Variants in NPM1 observed in about 807,000 individuals in gnomAD.
The protein encoded by NPM1 is nucleophosmin.
In NPM1, 1 loss-of-function variant was observed where a neutral mutation model predicts 44.1. The observed-to-expected ratio is 0.02, with a 90% CI of 0.01 to 0.11. The LOEUF is 0.11. NPM1 is among the 10% of genes least tolerant of loss of function. The pLI is 1.00. For missense variants in NPM1, 197 were observed against 347.8 expected (o/e 0.57, Z 3.45); for synonymous variants, 126 against 111.8 (o/e 1.13, Z -0.80).
intron 10 of NPM1, among the ~76,000 whole-genome samples, chr5:171,408,605 G>A (rs895307187): frequency 7.2e-5 from 11 of 152,204 alleles, no homozygotes; most frequent in African/African-American, 2.7e-4. Flanking sequence ...CTTTGTGAAA[G>A]TTGTAGTGAT....
At chr5:171,401,691 C>T (rs1348967976) in intron 8 of NPM1, among the ~76,000 whole-genome samples, 1 of 152,200 alleles carries the variant, frequency 6.6e-6, no homozygotes, top group Non-Finnish European at 1.5e-5. Context: ...ATCCGCCCTC[C>T]TGGGCCTCTC....
chr5:171,387,669 C>T (rs953816726), upstream of NPM1: 18 of 483,850 alleles, frequency 3.7e-5, no homozygotes, highest in Admixed American at 2.2e-4. Context: ...TCGGTGGGAG[C>T]CCGCGGAGTA....
At chr5:171,387,449 C>T (rs1291557704), upstream of NPM1, among the ~76,000 whole-genome samples, 2 of 152,088 alleles carry the variant, frequency 1.3e-5, no homozygotes, top group African/African-American at 4.8e-5. Context: ...TCATTCGCAG[C>T]CGGCTAACCC....
intron 1 of NPM1, among the ~76,000 whole-genome samples, chr5:171,388,802 G>A (rs1010000675): frequency 3.9e-5 from 6 of 152,200 alleles, no homozygotes; most frequent in Non-Finnish European, 7.3e-5. Context: ...ACTGCGGTAG[G>A]TGGAGCTAGC....
intron 9 of NPM1, chr5:171,406,398 C>T (rs375287524): frequency 2.5e-6 from 4 of 1,612,300 alleles, no homozygotes; most frequent in Admixed American, 1.7e-5. Flanking sequence ...TAATTGCAGG[C>T]GCATTGAACA....
Position 171,392,930 on chromosome 5 carries a change from C to G in NPM1, c.476C>G (p.Ala159Gly). ...SKVPQKKVKLAADEDDDDDDE... is the reference protein window; with the variant it reads ...SKVPQKKVKLGADEDDDDDDE... ...TTTTAAAAGAAAAAAGTAAAACTTG[C>G]TGCTGATGAAGATGATGACGATGAT... The change falls in exon 6 of 11, where the codon GCT becomes GGT. Residue 159 changes from alanine to glycine, a missense_variant. By Grantham distance (60) the Ala-to-Gly change is moderately conservative. Coordinates refer to ENST00000296930, the MANE Select transcript of NPM1 (RefSeq NM_002520.7). 2 of 1,610,614 alleles carry G rather than the reference C, an allele frequency of 1.2e-6. No individual in the cohort carries two copies. Among genetic ancestry groups the G allele is most frequent in the Admixed American group, 1.7e-5 (1 of 59,964 alleles).
chr5:171,387,479 A>T (rs895902021), upstream of NPM1, among the ~76,000 whole-genome samples: 1 of 152,188 alleles, frequency 6.6e-6, no homozygotes, highest in African/African-American at 2.4e-5. Flanking sequence ...TACACAGCTA[A>T]GGGCTGCCGA....
At chr5:171,400,331 T>A (rs907052150) in intron 7 of NPM1, 121 bp downstream of exon 7, 3 of 539,794 alleles carry the variant, frequency 5.6e-6, no homozygotes, top group Admixed American at 9.8e-5. Flanking sequence ...ATACTGAAAA[T>A]TAGTCCTGAG....
chr5:171,399,131 G>A (rs1771062355), intron 6 of NPM1, among the ~76,000 whole-genome samples: 1 of 152,248 alleles, frequency 6.6e-6, no homozygotes, highest in Admixed American at 6.5e-5. Context: ...GATTACAAGC[G>A]TGAGCCACGG....
upstream of NPM1, chr5:171,387,737 GACGGCTACGGT>G (rs1476772918): frequency 6.7e-6 from 4 of 596,350 alleles, no homozygotes; most frequent in Admixed American, 1.2e-4. Context: ...GCTTGCGCAG[GACGGCTACGGT>G]ACGGGGGTGG....
intron 9 of NPM1, chr5:171,406,809 T>A: frequency 1.5e-6 from 1 of 682,954 alleles, no homozygotes; most frequent in Non-Finnish European, 1.9e-6. Context: ...TTAAGTTTCT[T>A]AATGCTATAC....
intron 1 of NPM1, 72 bp downstream of exon 1, chr5:171,388,078 G>GGGTGGGGGGGGC: frequency 1.6e-6 from 1 of 616,750 alleles, no homozygotes. Context: ...TGAGGGGCGG[G>GGGTGGGGGGGGC]AATCCGGCTG....
intron 10 of NPM1, among the ~76,000 whole-genome samples, chr5:171,409,616 C>T (rs1358824882): frequency 1.3e-5 from 2 of 152,164 alleles, no homozygotes; most frequent in Admixed American, 1.3e-4. Flanking sequence ...AACCCATTGG[C>T]TGTGAAACAG....
intron 8 of NPM1, among the ~76,000 whole-genome samples, chr5:171,405,092 C>CATGCCTA (rs1215109638): frequency 2.0e-5 from 3 of 152,156 alleles, no homozygotes; most frequent in Admixed American, 6.5e-5. Context: ...CATGCACCAC[C>CATGCCTA]ATGCCTAGCT....
At chr5:171,400,701 C>T (rs1465418915) in intron 7 of NPM1, 138 bp from the exon 8 acceptor site, 2 of 592,214 alleles carry the variant, frequency 3.4e-6, no homozygotes, top group Non-Finnish European at 6.1e-6. Context: ...CTGCCTCGGC[C>T]TCCCAAAGTC....
chr5:171,391,522 G>T lies in NPM1; in HGVS notation c.258+98G>T, dbSNP rs755036997. 37 of 1,468,902 alleles carry T rather than the reference G, an allele frequency of 2.5e-5. No homozygotes were observed. The Middle Eastern group carries it at 7.1e-4, about 28-fold the overall frequency. 91.0% of individuals were successfully genotyped at this position (1,468,902 alleles called of 1,614,324 possible). A position where few individuals can be genotyped will look rare whatever the true frequency, so the allele number is the denominator to read the frequency against. On this transcript the variant is annotated intron_variant, in intron 3 of 10. Transcript: ENST00000296930. ...AGTTGTGCCAAGGAGATAGAAAGTG[G>T]TTCTTTATCTTCTGTCACTGGAGTT...
chr5:171,400,217 A>G lies in NPM1; in HGVS notation c.582+7A>G. On this transcript the variant is annotated splice_region_variant and intron_variant, in intron 7 of 10. Transcript: ENST00000296930. ...AAAAGCGCCAGTGAAGAAAGTGAGT[A>G]GATACAATGCTACAAGGTTGTTAAA... 1 of 1,613,748 alleles carries G rather than the reference A, an allele frequency of 6.2e-7. No individual in the cohort carries two copies. The highest frequency in any genetic ancestry group is 8.5e-7 in the Non-Finnish European group (1 of 1,179,872).
intron 8 of NPM1, among the ~76,000 whole-genome samples, chr5:171,402,354 AC>A (rs1771259579): frequency 6.6e-6 from 1 of 151,668 alleles, no homozygotes; most frequent in African/African-American, 2.4e-5. Context: ...TCAAAAAACA[AC>A]AGCTGCTGGC....
chr5:171,405,565 T>C, intron 9 of NPM1, 162 bp downstream of exon 9: 1 of 627,698 alleles, frequency 1.6e-6, no homozygotes, highest in Non-Finnish European at 2.8e-6. Context: ...AAAACATTTA[T>C]AATCGTGTCT....
Sources: gnomAD v4.1 joint callset for allele counts (sites outside exome capture counted in the v4.1 genomes callset) on GRCh38, gnomAD v4.1.1 for gene constraint, MANE v1.5 for transcripts, NCBI Gene and HGNC (gene_info 2026-07-23, HGNC 2026-07-21) for gene names.